SP100: variants seen among roughly 807,000 people sequenced by gnomAD.
The protein encoded by SP100 is SP100 nuclear body protein.
In SP100, 84 loss-of-function variants were observed where a neutral mutation model predicts 130.0. The ratio of observed to expected loss-of-function variants is 0.65; its 90% CI spans 0.54 to 0.77. The LOEUF (loss-of-function observed/expected upper bound fraction) is 0.77. SP100 is among the 30% of genes least tolerant of loss of function. The probability of loss-of-function intolerance (pLI) is 0.00; values close to 1 mark genes in which losing one functional copy is unlikely to be tolerated. For missense variants in SP100, 978 were observed against 1,052.2 expected (o/e 0.93, Z 0.97); for synonymous variants, 331 against 351.7 (o/e 0.94, Z 0.66).
At chr2:230,428,264 C>T (rs974315657) in intron 2 of SP100, among the ~76,000 whole-genome samples, 2 of 152,042 alleles carry the variant, frequency 1.3e-5, no homozygotes, top group Non-Finnish European at 2.9e-5. Flanking sequence ...AATAGAAGTA[C>T]CTGAGACTGT....
At chr2:230,527,415 C>T (rs1691482361) in intron 24 of SP100, among the ~76,000 whole-genome samples, 2 of 152,144 alleles carry the variant, frequency 1.3e-5, no homozygotes, top group South Asian at 4.1e-4. Flanking sequence ...TACAAGAGCT[C>T]CTGAAGGAAG....
chr2:230,536,741 G>A lies in SP100; in HGVS notation c.2095-2526G>A, dbSNP rs534321969. Among the ~76,000 whole-genome samples the A allele has an allele frequency of 1.1e-4, 16 of 148,200 alleles. No individual in the cohort carries two copies. In the East Asian group the frequency reaches 3.1e-3, roughly 29 times the overall value. ...TCTCATCCCCTTGGCTGCAGCACCCGACTAAAGCCTTCTTGCTTGGCAATA... is the reference window on the plus strand; with the variant it reads ...TCTCATCCCCTTGGCTGCAGCACCCAACTAAAGCCTTCTTGCTTGGCAATA... On this transcript the variant is annotated intron_variant, in intron 24 of 28. Coordinates refer to ENST00000340126, the MANE Select transcript of SP100 (RefSeq NM_001080391.2).
chr2:230,451,054 C>T (rs1276021329), intron 8 of SP100, among the ~76,000 whole-genome samples: 1 of 152,138 alleles, frequency 6.6e-6, no homozygotes, highest in Non-Finnish European at 1.5e-5. Flanking sequence ...GCATTTTTGA[C>T]TTATGATGTG....
intron 2 of SP100, among the ~76,000 whole-genome samples, chr2:230,432,208 G>A (rs190991418): frequency 6.0e-4 from 91 of 152,256 alleles, no homozygotes; most frequent in African/African-American, 2.1e-3. Context: ...GTTTTAGCAT[G>A]TGTTTATATT....
In SP100 at chr2:230,458,293, T is replaced by C. The variant is rs553806747; in HGVS notation, c.821-2969T>C. Among the ~76,000 whole-genome samples, 9 of 152,362 alleles carry C rather than the reference T, an allele frequency of 5.9e-5. No individual in the cohort carries two copies. In the South Asian group the frequency reaches 1.9e-3, roughly 32 times the overall value. On this transcript the variant is annotated intron_variant, in intron 8 of 28. Coordinates refer to ENST00000340126, the MANE Select transcript of SP100 (RefSeq NM_001080391.2). ...GTAAGATCTCCAAAGGAAAATGTTA[T>C]TAATACAATCATAAGGAAGAGAAAA...
chr2:230,504,674 A>G (rs917089223), intron 21 of SP100, among the ~76,000 whole-genome samples: 3 of 152,210 alleles, frequency 2.0e-5, no homozygotes, highest in Non-Finnish European at 4.4e-5. Context: ...TACCAGTCAC[A>G]TAGGTGCCCT....
chr2:230,507,111 G>A (rs1420214250), intron 22 of SP100: 4 of 152,212 alleles, frequency 2.6e-5, no homozygotes, highest in Admixed American at 1.3e-4. Context: ...GCCAGGCACA[G>A]TTGCACATGT....
At chr2:230,476,294 T>A (rs2065545415) in intron 17 of SP100, among the ~76,000 whole-genome samples, 1 of 152,210 alleles carries the variant, frequency 6.6e-6, no homozygotes, top group African/African-American at 2.4e-5. Context: ...ATTTTCTTTA[T>A]GGCTATTGTA....
intron 24 of SP100, among the ~76,000 whole-genome samples, chr2:230,519,608 G>A (rs1039550496): frequency 2.0e-5 from 3 of 152,148 alleles, no homozygotes; most frequent in Non-Finnish European, 4.4e-5. Context: ...GTAGAAGGAG[G>A]AGAAGAAATT....
intron 19 of SP100, 114 bp downstream of exon 19, chr2:230,498,649 A>G (rs2066835418): frequency 3.9e-6 from 2 of 515,376 alleles, no homozygotes; most frequent in African/African-American, 4.0e-5. Context: ...TGAGAAATAT[A>G]TCAGATGTAG....
At chr2:230,464,908 A>G (rs2064859160) in intron 11 of SP100, among the ~76,000 whole-genome samples, 1 of 152,120 alleles carries the variant, frequency 6.6e-6, no homozygotes, top group African/African-American at 2.4e-5. Context: ...CCTGGACAAC[A>G]TGGAGAAACT....
At chr2:230,451,456 C>G (rs2063980074) in intron 8 of SP100, among the ~76,000 whole-genome samples, 1 of 152,176 alleles carries the variant, frequency 6.6e-6, no homozygotes, top group African/African-American at 2.4e-5. Flanking sequence ...AATGTTTATT[C>G]AGGTCCTTTG....
Position 230,473,397 on chromosome 2 carries a change from C to T in SP100, c.1503C>T (p.Ser501=), listed in dbSNP as rs369798012. The part of the protein sequence containing the change: ...VMCFPKGVPR[S]QEARTESSQA... ...GTTTTCCAAAAGGTGTGCCAAGAAG[C>T]CAAGAAGCAAGGACTGAAAGTAGTC... The change falls in exon 16 of 29, where the codon AGC becomes AGT. Residue 501 remains serine (S), a synonymous_variant. Coordinates refer to ENST00000340126, the MANE Select transcript of SP100 (RefSeq NM_001080391.2). The T allele has an allele frequency of 6.2e-6, 10 of 1,613,500 alleles. No individual in the cohort carries two copies. The African/African-American group carries it at 1.2e-4, about 19-fold the overall frequency.
At chr2:230,481,062 G>A (rs2065813553) in intron 17 of SP100, among the ~76,000 whole-genome samples, 1 of 151,974 alleles carries the variant, frequency 6.6e-6, no homozygotes. Context: ...TGGTGGTGTT[G>A]GTCCCTTCGT....
At chr2:230,503,777 T>G (rs1185890034) in intron 20 of SP100, among the ~76,000 whole-genome samples, 2 of 152,206 alleles carry the variant, frequency 1.3e-5, no homozygotes, top group African/African-American at 4.8e-5. Flanking sequence ...GGTGCCACTC[T>G]GCCATCCTGC....
intron 10 of SP100, 75 bp from the exon 11 acceptor site, chr2:230,463,992 A>C: frequency 1.0e-6 from 1 of 991,294 alleles, no homozygotes; most frequent in Non-Finnish European, 1.6e-6. Context: ...AGGTTTTCTT[A>C]TTAGGGAATT....
intron 17 of SP100, among the ~76,000 whole-genome samples, chr2:230,482,455 A>G (rs1327001100): frequency 6.6e-6 from 1 of 152,116 alleles, no homozygotes; most frequent in Non-Finnish European, 1.5e-5. Context: ...AATCCTTGTG[A>G]TCACTTGAAA....
intron 24 of SP100, among the ~76,000 whole-genome samples, chr2:230,523,874 A>C (rs1453995152): frequency 6.6e-6 from 1 of 152,100 alleles, no homozygotes; most frequent in Non-Finnish European, 1.5e-5. Flanking sequence ...ATGCCATTGC[A>C]CTGTAGCCTA....
chr2:230,515,024 T>A, intron 24 of SP100: 1 of 1,586,040 alleles, frequency 6.3e-7, no homozygotes, highest in South Asian at 1.2e-5. Context: ...TAACTAAACA[T>A]GGACAAAGCA....
Sources: gnomAD v4.1 joint callset for allele counts (sites outside exome capture counted in the v4.1 genomes callset) on GRCh38, gnomAD v4.1.1 for gene constraint, MANE v1.5 for transcripts, NCBI Gene and HGNC (gene_info 2026-07-23, HGNC 2026-07-21) for gene names.